Variants in SMC5 observed in about 807,000 individuals in gnomAD.
SMC5 encodes the protein structural maintenance of chromosomes protein 5.
SMC5 carries 88 observed loss-of-function variants against 148.3 expected under a neutral mutation model. That is an observed-to-expected ratio of 0.59 (90% CI 0.50 to 0.71). The LOEUF (loss-of-function observed/expected upper bound fraction) is 0.71. SMC5 is among the 30% of genes least tolerant of loss of function. SMC5 has a pLI of 0.00. For synonymous variants in SMC5, 421 were observed against 432.8 expected (o/e 0.97, Z 0.34); for missense variants, 1,142 against 1,298.9 (o/e 0.88, Z 1.86).
At chr9:70,315,614 C>A in intron 13 of SMC5, 36 bp downstream of exon 13, 2 of 1,429,552 alleles carry the variant, frequency 1.4e-6, no homozygotes, top group South Asian at 1.7e-5. Context: ...GAATCATGTA[C>A]CAAAAATGTA....
At chr9:70,329,070 G>A (rs2036157464) in intron 17 of SMC5, among the ~76,000 whole-genome samples, 1 of 152,202 alleles carries the variant, frequency 6.6e-6, no homozygotes, top group African/African-American at 2.4e-5. Context: ...GCAGGGCCCT[G>A]GACCTGGCCC....
intron 17 of SMC5, among the ~76,000 whole-genome samples, chr9:70,342,537 GA>G (rs2036556603): frequency 6.6e-6 from 1 of 152,064 alleles, no homozygotes. Context: ...GAGGGTTAGT[GA>G]AAAGAGCAAA....
intron 18 of SMC5, chr9:70,346,260 G>A (rs1445191570): frequency 2.2e-5 from 5 of 231,644 alleles, no homozygotes; most frequent in Non-Finnish European, 4.2e-5. Flanking sequence ...TATAGAGGTT[G>A]AACTGCTTTC....
intron 9 of SMC5, among the ~76,000 whole-genome samples, chr9:70,298,734 CAAA>C (rs879429083): frequency 7.5e-6 from 1 of 133,888 alleles, no homozygotes; most frequent in Admixed American, 7.5e-5. Flanking sequence ...GTATGGCTAA[CAAA>C]AAAAAAAAAG....
In SMC5 at chr9:70,347,624, A is replaced by G. The variant is rs1051043400; in HGVS notation, c.2676A>G (p.Glu892=). ...TTTTCCCCTGCCAGATTGTTCAGGA[A>G]TATACAAAAAGAGAAGAAGAAATAG... is the stretch of plus-strand genomic sequence containing the variant. ...FTGLNPTIVQ[E]YTKREEEIEQ... Residue 892 remains glutamate (E), a synonymous_variant, in exon 21 of 25, where the codon GAA becomes GAG. Coordinates refer to ENST00000361138, the MANE Select transcript of SMC5 (RefSeq NM_015110.4). 4 of 1,558,256 alleles carry G rather than the reference A, an allele frequency of 2.6e-6. No individual in the cohort carries two copies. Among genetic ancestry groups the G allele is most frequent in the Non-Finnish European group, 3.5e-6 (4 of 1,153,086 alleles).
At chr9:70,267,213 A>G (rs1447262027) in intron 2 of SMC5, among the ~76,000 whole-genome samples, 8 of 152,170 alleles carry the variant, frequency 5.3e-5, no homozygotes, top group Admixed American at 5.2e-4. Flanking sequence ...CATTATCACT[A>G]TTAAAAAGAT....
Position 70,267,947 on chromosome 9 carries a change from T to G in SMC5, c.352T>G (p.Cys118Gly). ...DKVGFFVKRG[C>G]SRGMVEIELF... is the part of the protein sequence containing the mutation. ...GGTTGGGTTTTTTGTGAAGAGAGGA[T>G]GTTCTAGAGGCATGGTTGAAATTGA... The change falls in exon 3 of 25, where the codon TGT becomes GGT. Residue 118 changes from cysteine to glycine, a missense_variant. Coordinates refer to ENST00000361138, the MANE Select transcript of SMC5 (RefSeq NM_015110.4). 1 of 1,613,388 alleles carries G rather than the reference T, an allele frequency of 6.2e-7. No homozygotes were observed. The highest frequency in any genetic ancestry group is 8.5e-7 in the Non-Finnish European group (1 of 1,179,754).
At chr9:70,317,368 C>A (rs1441214728) in intron 13 of SMC5, among the ~76,000 whole-genome samples, 3 of 152,184 alleles carry the variant, frequency 2.0e-5, no homozygotes, top group African/African-American at 7.2e-5. Context: ...TGTCTGCTGA[C>A]TTCTTTAGCT....
intron 8 of SMC5, among the ~76,000 whole-genome samples, chr9:70,297,532 T>C (rs1051350737): frequency 2.4e-4 from 37 of 152,176 alleles, no homozygotes; most frequent in Non-Finnish European, 1.8e-4. Flanking sequence ...GATTTTTGGA[T>C]TAGGGATATT....
chr9:70,261,674 A>G (rs986626675), intron 1 of SMC5, among the ~76,000 whole-genome samples: 1 of 152,198 alleles, frequency 6.6e-6, no homozygotes, highest in Admixed American at 6.5e-5. Flanking sequence ...ATGAAGTTGC[A>G]GAACTGGTTA....
intron 6 of SMC5, among the ~76,000 whole-genome samples, chr9:70,281,795 C>T (rs185045456): frequency 6.6e-6 from 1 of 152,118 alleles, no homozygotes; most frequent in East Asian, 1.9e-4. Flanking sequence ...TACTGCTTCA[C>T]TCACTTTGTC....
At chr9:70,337,854 T>TA (rs2036404374) in intron 17 of SMC5, among the ~76,000 whole-genome samples, 1 of 151,122 alleles carries the variant, frequency 6.6e-6, no homozygotes, top group Admixed American at 6.6e-5. Context: ...ATTACTAATT[T>TA]TTTTTTTTTT....
chr9:70,297,533 T>C (rs1369604803), intron 8 of SMC5, among the ~76,000 whole-genome samples: 1 of 152,208 alleles, frequency 6.6e-6, no homozygotes, highest in Non-Finnish European at 1.5e-5. Context: ...ATTTTTGGAT[T>C]AGGGATATTC....
chr9:70,326,960 G>C (rs1378181352), intron 17 of SMC5, among the ~76,000 whole-genome samples: 1 of 152,010 alleles, frequency 6.6e-6, no homozygotes, highest in African/African-American at 2.4e-5. Flanking sequence ...CAAACAAGTA[G>C]TTACGTTAAT....
At chr9:70,306,277 G>A (rs1033114760) in intron 11 of SMC5, among the ~76,000 whole-genome samples, 1 of 152,126 alleles carries the variant, frequency 6.6e-6, no homozygotes, top group Non-Finnish European at 1.5e-5. Flanking sequence ...ATTGGTCTAA[G>A]TGAGGAGAGA....
intron 13 of SMC5, among the ~76,000 whole-genome samples, chr9:70,317,258 CT>C (rs1159727523): frequency 6.6e-6 from 1 of 151,978 alleles, no homozygotes; most frequent in African/African-American, 2.4e-5. Context: ...TTTATGTTTT[CT>C]TTTATTATTA....
At position 70,259,237 on chromosome 9, in the gene SMC5, C is replaced by T; in HGVS notation, c.159C>T (p.Ile53=). 6.3e-7 allele frequency: 1 copy of T among 1,597,550 alleles called. No homozygotes were observed. The highest frequency in any genetic ancestry group is 8.5e-7 in the Non-Finnish European group (1 of 1,171,580). ...QSSGPFVEGS[I]VRISMENFLT... The stretch of plus-strand genomic sequence containing the variant: ...CCGGGCCTTTCGTGGAAGGCTCTAT[C>T]GTCCGCATCTCGATGGAGAACTTCC... Residue 53 remains isoleucine (I), a synonymous_variant, in exon 1 of 25, where the codon ATC becomes ATT. Transcript: ENST00000361138.
chr9:70,350,354 C>A (rs766230206), intron 23 of SMC5, 22 bp from the exon 24 acceptor site: 2 of 1,609,416 alleles, frequency 1.2e-6, no homozygotes, highest in South Asian at 1.1e-5. Context: ...TAAATGTAAT[C>A]ATTATTGTTG....
rs200368410 is a variant in SMC5 at position 70,346,668 on chromosome 9, T to A, written c.2568+19T>A. 1.9e-6 allele frequency: 3 copies of A among 1,613,632 alleles called. No homozygotes were observed. The East Asian group carries it at 6.7e-5, about 36-fold the overall frequency. The stretch of plus-strand genomic sequence containing the variant: ...CCCCATGGTATGCAGTACTCATTCT[T>A]TTTTCCCAAGCTCCTGTTTTCCCTC... On this transcript the variant is annotated intron_variant, in intron 19 of 24. Coordinates refer to ENST00000361138, the MANE Select transcript of SMC5 (RefSeq NM_015110.4).
Sources: allele counts gnomAD v4.1 joint callset (sites outside exome capture counted in the v4.1 genomes callset), GRCh38; gene constraint gnomAD v4.1.1; transcripts MANE v1.5; gene names NCBI Gene and HGNC (gene_info 2026-07-23, HGNC 2026-07-21).